The following ADA2 variants were observed in gnomAD, a reference collection of about 807,000 sequenced individuals.
The protein encoded by ADA2 is adenosine deaminase CECR1.
A neutral mutation model predicts 44.2 loss-of-function variants in ADA2; 29 were observed. The ratio of observed to expected loss-of-function variants is 0.66; its 90% CI spans 0.49 to 0.89. The LOEUF is 0.89. Ranked by LOEUF, ADA2 falls within the 40% of genes least tolerant of loss-of-function variation. ADA2 has a pLI of 0.00. For missense variants in ADA2, 637 were observed against 644.8 expected (o/e 0.99, Z 0.13); for synonymous variants, 215 against 234.9 (o/e 0.92, Z 0.77).
At chr22:17,185,689 A>T (rs2062028186) in intron 7 of ADA2, among the ~76,000 whole-genome samples, 1 of 152,170 alleles carries the variant, frequency 6.6e-6, no homozygotes, top group Non-Finnish European at 1.5e-5. Flanking sequence ...CCTAGAGCAG[A>T]CTTTGATCTA....
chr22:17,188,557 G>C, intron 6 of ADA2, 110 bp from the exon 7 acceptor site: 1 of 674,952 alleles, frequency 1.5e-6, no homozygotes, highest in African/African-American at 1.8e-5. Context: ...CACCACTGCC[G>C]GGACCTTTGT....
Position 17,213,448 on chromosome 22 carries a change from C to T in ADA2, c.-46-3725G>A, listed in dbSNP as rs1375460162. 29 of 210,474 alleles carry T rather than the reference C, an allele frequency of 1.4e-4. No individual in the cohort carries two copies. In the Admixed American group the frequency reaches 1.7e-3, roughly 12 times the overall value. 13.0% of individuals were successfully genotyped at this position (210,474 alleles called of 1,614,324 possible). A position where few individuals can be genotyped will look rare whatever the true frequency, so the allele number is the denominator to read the frequency against. ...GTTATGGAAACAACCCAAGTGTCCA[C>T]CAACAGATCAACGGATAAAGAAAAC... On this transcript the variant is annotated intron_variant, in intron 1 of 9. Transcript: ENST00000399837.
chr22:17,187,144 G>A (rs1481443474), intron 7 of ADA2, among the ~76,000 whole-genome samples: 1 of 142,176 alleles, frequency 7.0e-6, no homozygotes, highest in Non-Finnish European at 1.5e-5. Flanking sequence ...TCCAGCCTGG[G>A]CCACAGAGCG....
chr22:17,215,049 G>A (rs1235459308), intron 1 of ADA2, among the ~76,000 whole-genome samples: 2 of 152,170 alleles, frequency 1.3e-5, no homozygotes, highest in Admixed American at 1.3e-4. Context: ...AAATGGGAGG[G>A]CCCAGGCATC....
chr22:17,199,449 A>ATCCACTTC, intron 4 of ADA2: 1 of 350,734 alleles, frequency 2.9e-6, no homozygotes. Flanking sequence ...CTTCCCCTCC[A>ATCCACTTC]CCCACGAAGA....
chr22:17,188,310 C>G (rs1222842110), intron 7 of ADA2, 29 bp downstream of exon 7: 5 of 1,553,474 alleles, frequency 3.2e-6, no homozygotes. Context: ...ACCACCTCCG[C>G]TGCCTCTGCT....
chr22:17,181,263 T>C lies in ADA2; in HGVS notation c.*220A>G. 1.1e-5 allele frequency: 6 copies of C among 526,818 alleles called. No homozygotes were observed. The highest frequency in any genetic ancestry group is 2.1e-5 in the Non-Finnish European group (6 of 292,560). The allele number at this position is 526,818 out of a possible 1,614,324, so 32.6% of individuals were successfully genotyped here. ...TCTGAAATAGGGAAACTGGAAGAAA[T>C]GGCCAGAGACAGGAGAAAACCAAGA... On this transcript the variant is annotated 3_prime_UTR_variant, in exon 10 of 10. Transcript: ENST00000399837.
chr22:17,184,059 A>C (rs529037454), intron 7 of ADA2, among the ~76,000 whole-genome samples: 2 of 139,402 alleles, frequency 1.4e-5, no homozygotes, highest in South Asian at 2.2e-4. Flanking sequence ...CCCGGGGTTC[A>C]TGCCATTCTC....
chr22:17,186,523 A>G (rs1172380849), intron 7 of ADA2, among the ~76,000 whole-genome samples: 1 of 152,098 alleles, frequency 6.6e-6, no homozygotes, highest in Non-Finnish European at 1.5e-5. Flanking sequence ...CAGAGGTTGC[A>G]GTGAGCCGAG....
In ADA2 at chr22:17,207,934, T is replaced by C. The variant is rs2062373317; in HGVS notation, c.323-644A>G. ...GCCAGTTGAATCCCCATGCTTGTCC[T>C]CCCCACCAGACACCAGCTGTGCCCC... On this transcript the variant is annotated intron_variant, in intron 2 of 9. Transcript: ENST00000399837. Among the ~76,000 whole-genome samples, 3 of 152,156 alleles carry C rather than the reference T, an allele frequency of 2.0e-5. No homozygotes were observed. The South Asian group carries it at 6.2e-4, about 32-fold the overall frequency.
intron 6 of ADA2, among the ~76,000 whole-genome samples, chr22:17,188,924 G>A (rs113250210): frequency 6.9e-6 from 1 of 144,100 alleles, no homozygotes; most frequent in African/African-American, 2.5e-5. Flanking sequence ...GCTCAGGCTG[G>A]TCTAGAACTC....
intron 7 of ADA2, among the ~76,000 whole-genome samples, chr22:17,187,549 C>T (rs1340114521): frequency 6.6e-6 from 1 of 151,930 alleles, no homozygotes; most frequent in African/African-American, 2.4e-5. Context: ...CATCAGCCTC[C>T]AAAGTGCTAG....
At chr22:17,216,388 A>C (rs1291258187) in intron 1 of ADA2, among the ~76,000 whole-genome samples, 5 of 151,482 alleles carry the variant, frequency 3.3e-5, no homozygotes, top group Non-Finnish European at 7.4e-5. Context: ...AAAAAAAAAA[A>C]CCTACAGTTA....
At chr22:17,188,166 C>G (rs998680954) in intron 7 of ADA2, among the ~76,000 whole-genome samples, 173 bp downstream of exon 7, 9 of 152,114 alleles carry the variant, frequency 5.9e-5, no homozygotes, top group African/African-American at 2.2e-4. Context: ...GTGGCTGATT[C>G]TATTATCCTT....
At chr22:17,192,297 C>T (rs1224924236) in intron 4 of ADA2, among the ~76,000 whole-genome samples, 8 of 152,088 alleles carry the variant, frequency 5.3e-5, no homozygotes, top group Non-Finnish European at 1.0e-4. Context: ...AGGGTAGGTG[C>T]CCATTAAGCA....
chr22:17,212,597 T>C (rs2062430151), intron 1 of ADA2, among the ~76,000 whole-genome samples: 1 of 152,094 alleles, frequency 6.6e-6, no homozygotes, highest in Non-Finnish European at 1.5e-5. Context: ...GGAGAAAATA[T>C]TTACAAATTA....
chr22:17,191,863 C>T, intron 4 of ADA2, 53 bp from the exon 5 acceptor site: 2 of 1,562,436 alleles, frequency 1.3e-6, no homozygotes, highest in Non-Finnish European at 1.7e-6. Flanking sequence ...GAGACGCCAC[C>T]CCCTTCCCAG....
rs34092800 is a variant in ADA2, at chr22:17,212,956, A to AT, written c.-46-3234dup. Among the ~76,000 whole-genome samples the AT allele has an allele frequency of 4.5e-4, 65 of 144,290 alleles. 1 individual carries two copies. The highest frequency in any genetic ancestry group is 4.0e-3 in the South Asian group (18 of 4,542). 94.7% of individuals were successfully genotyped at this position (144,290 alleles called of 152,430 possible). A position where few individuals can be genotyped will look rare whatever the true frequency, so the allele number is the denominator to read the frequency against. On this transcript the variant is annotated intron_variant, in intron 1 of 9. Coordinates refer to ENST00000399837, the MANE Select transcript of ADA2 (RefSeq NM_001282225.2). ...AGTGTAGTACCACTACACTCAGCTA[A>AT]TTTTTTTTTTTTCTTTAGAGACAGG... is the stretch of plus-strand genomic sequence containing the variant.
intron 7 of ADA2, among the ~76,000 whole-genome samples, chr22:17,186,959 G>A (rs2062042761): frequency 2.0e-5 from 3 of 151,856 alleles, no homozygotes; most frequent in South Asian, 2.1e-4. Context: ...AAGGTCAGGC[G>A]ATCGAGACCA....
Sources: gnomAD v4.1 joint callset for allele counts (sites outside exome capture counted in the v4.1 genomes callset) on GRCh38, gnomAD v4.1.1 for gene constraint, MANE v1.5 for transcripts, NCBI Gene and HGNC (gene_info 2026-07-23, HGNC 2026-07-21) for gene names.